The following SYT17 variants were observed in gnomAD, a reference collection of about 807,000 sequenced individuals.
The protein encoded by SYT17 is synaptotagmin 17, also known as synaptotagmin-17.
A neutral mutation model predicts 46.7 loss-of-function variants in SYT17; 22 were observed. The observed-to-expected ratio is 0.47, with a 90% confidence interval of 0.34 to 0.67. The LOEUF (loss-of-function observed/expected upper bound fraction) is 0.67. Among genes scored for constraint, SYT17 ranks in the 30% least tolerant of loss-of-function variants. SYT17 has a pLI of 0.01. For missense variants in SYT17, 519 were observed against 612.8 expected (o/e 0.85, Z 1.62); for synonymous variants, 251 against 248.4 (o/e 1.01, Z -0.10).
chr16:19,194,663 A>G lies in SYT17; in HGVS notation c.951+10516A>G, dbSNP rs113126670. Among the ~76,000 whole-genome samples, 688 of 152,322 alleles carry G rather than the reference A, an allele frequency of 4.5e-3. 4 individuals are homozygous for G. Among genetic ancestry groups the G allele is most frequent in the African/African-American group, 0.016 (651 of 41,574 alleles). On this transcript the variant is annotated intron_variant, in intron 5 of 7. Coordinates refer to ENST00000355377, the MANE Select transcript of SYT17 (RefSeq NM_016524.4). ...GAGGCTGGAGTGCAGGGGTGCGATC[A>G]TGATCACTGCAGCCTCAAACTCCTG...
intron 7 of SYT17, among the ~76,000 whole-genome samples, chr16:19,262,342 G>T (rs991841822): frequency 3.3e-5 from 5 of 152,128 alleles, no homozygotes; most frequent in Non-Finnish European, 7.4e-5. Context: ...TGCATGAGAA[G>T]GCACCACCTA....
At chr16:19,204,411 C>T (rs570935651) in intron 5 of SYT17, among the ~76,000 whole-genome samples, 6 of 151,960 alleles carry the variant, frequency 3.9e-5, no homozygotes, top group African/African-American at 7.3e-5. Flanking sequence ...GAGTTGGAAA[C>T]GACACGAGGG....
intron 7 of SYT17, among the ~76,000 whole-genome samples, chr16:19,229,671 A>G (rs1966612477): frequency 6.6e-6 from 1 of 152,252 alleles, no homozygotes; most frequent in Non-Finnish European, 1.5e-5. Flanking sequence ...AAAGTTAAAA[A>G]TAGAATTAGC....
chr16:19,195,203 CTAT>C (rs1364255252), intron 5 of SYT17, among the ~76,000 whole-genome samples: 1 of 152,092 alleles, frequency 6.6e-6, no homozygotes, highest in Non-Finnish European at 1.5e-5. Context: ...ATTGTGTGAA[CTAT>C]TATTATCACC....
Position 19,168,763 on chromosome 16 carries a change from A to G in SYT17, c.15+102A>G. The G allele has an allele frequency of 7.4e-7, 1 of 1,355,314 alleles. No homozygotes were observed. The highest frequency in any genetic ancestry group is 1.6e-5 in the South Asian group (1 of 63,900). The allele number at this position is 1,355,314 out of a possible 1,614,324, so 84.0% of individuals were successfully genotyped here. A position where few individuals can be genotyped will look rare whatever the true frequency, so the allele number is the denominator to read the frequency against. On this transcript the variant is annotated intron_variant, in intron 1 of 7. Coordinates refer to ENST00000355377, the MANE Select transcript of SYT17 (RefSeq NM_016524.4). The surrounding 1 kb of genome is among the most constrained non-coding windows in gnomAD (Gnocchi z 6.9). The stretch of plus-strand genomic sequence containing the variant: ...AGGGAGGGCCCACGGCTAGGCTCCC[A>G]CAAACTTGCTTCGAGAAAAAGGGTG...
At chr16:19,233,729 C>A (rs1438742445) in intron 7 of SYT17, among the ~76,000 whole-genome samples, 1 of 152,034 alleles carries the variant, frequency 6.6e-6, no homozygotes, top group Non-Finnish European at 1.5e-5. Flanking sequence ...CAGAGGGTCT[C>A]CAGCAGAGAA....
Position 19,183,212 on chromosome 16 carries a change from G to A in SYT17, c.332-316G>A, listed in dbSNP as rs536387671. On this transcript the variant is annotated intron_variant, in intron 4 of 7. Transcript: ENST00000355377. This position sits in a 1 kb window ranked among gnomAD's most constrained non-coding sequence, Gnocchi z 5.6. The stretch of plus-strand genomic sequence containing the variant: ...AGTTACTTAAAGCTTCTGTTTCCTC[G>A]TCTATAAAGTGGGGATAATAGTAAT... Among the ~76,000 whole-genome samples, 11 of 152,266 alleles carry A rather than the reference G, an allele frequency of 7.2e-5. No individual in the cohort carries two copies. Among genetic ancestry groups the A allele is most frequent in the South Asian group, 2.1e-4 (1 of 4,820 alleles).
At chr16:19,253,813 T>C (rs1251123710) in intron 7 of SYT17, among the ~76,000 whole-genome samples, 1 of 152,138 alleles carries the variant, frequency 6.6e-6, no homozygotes, top group Non-Finnish European at 1.5e-5. Flanking sequence ...CTGTAACCTC[T>C]GTCTCCTGGG....
chr16:19,236,868 C>T (rs999284223), intron 7 of SYT17, among the ~76,000 whole-genome samples: 2 of 152,200 alleles, frequency 1.3e-5, no homozygotes, highest in African/African-American at 4.8e-5. Context: ...TCTTCAGTCT[C>T]TATCCCCTCC....
chr16:19,172,214 T>G, intron 1 of SYT17: 3 of 565,518 alleles, frequency 5.3e-6, no homozygotes, highest in Non-Finnish European at 7.1e-6. Context: ...GAGGACCAGA[T>G]TAGGGCTTCC....
intron 5 of SYT17, among the ~76,000 whole-genome samples, chr16:19,184,745 A>G (rs991136739): frequency 1.1e-4 from 17 of 152,228 alleles, no homozygotes; most frequent in South Asian, 6.2e-4. Context: ...TAAATCATCG[A>G]TGCTGAGTTA....
At chr16:19,255,371 G>A (rs1017299641) in intron 7 of SYT17, among the ~76,000 whole-genome samples, 4 of 152,118 alleles carry the variant, frequency 2.6e-5, no homozygotes, top group Non-Finnish European at 5.9e-5. Context: ...ATTGTAGGAT[G>A]GGGGGCAGCA....
intron 7 of SYT17, among the ~76,000 whole-genome samples, chr16:19,229,946 C>G (rs937520835): frequency 6.6e-6 from 1 of 152,106 alleles, no homozygotes; most frequent in Non-Finnish European, 1.5e-5. Flanking sequence ...CTAAGTGAAA[C>G]AAGCCAGATA....
At chr16:19,191,479 G>C (rs1335914502) in intron 5 of SYT17, among the ~76,000 whole-genome samples, 1 of 152,174 alleles carries the variant, frequency 6.6e-6, no homozygotes, top group Non-Finnish European at 1.5e-5. Context: ...TCAGCTGGTG[G>C]CTTGATCTTG....
chr16:19,174,642 ACTATTT>A (rs1964242427), intron 3 of SYT17, among the ~76,000 whole-genome samples: 1 of 152,088 alleles, frequency 6.6e-6, no homozygotes. Flanking sequence ...GGTCTCAACT[ACTATTT>A]CGAGTTCTGT....
intron 3 of SYT17, among the ~76,000 whole-genome samples, chr16:19,177,188 G>GT (rs1394490533): frequency 2.0e-5 from 3 of 152,146 alleles, no homozygotes; most frequent in Non-Finnish European, 4.4e-5. Context: ...ACTTCTTTTG[G>GT]TTTTGCCACT....
intron 5 of SYT17, among the ~76,000 whole-genome samples, chr16:19,222,003 A>G (rs1456209421): frequency 6.6e-6 from 1 of 152,192 alleles, no homozygotes; most frequent in Non-Finnish European, 1.5e-5. Context: ...GGGTACGAAG[A>G]TGGTGGGGTA....
intron 5 of SYT17, among the ~76,000 whole-genome samples, chr16:19,203,744 G>A (rs1038983373): frequency 7.9e-5 from 12 of 152,238 alleles, no homozygotes; most frequent in African/African-American, 2.9e-4. Context: ...TGGAGTTTCT[G>A]CTGGTAGAAT....
rs183528931 is a variant in SYT17 at position 19,256,617 on chromosome 16, C to T, written c.1229-10263C>T. Among the ~76,000 whole-genome samples, 5 of 151,600 alleles carry T rather than the reference C, an allele frequency of 3.3e-5. No homozygotes were observed. In the East Asian group the frequency reaches 7.8e-4, roughly 24 times the overall value. On this transcript the variant is annotated intron_variant, in intron 7 of 7. Transcript: ENST00000355377. ...TTATTGAGGCAGGGTCTTACTCTTTCGACCAGGCTGGAGTGCAGTGGTATG... is the reference window on the plus strand; with the variant it reads ...TTATTGAGGCAGGGTCTTACTCTTTTGACCAGGCTGGAGTGCAGTGGTATG...
Sources: allele counts gnomAD v4.1 joint callset (sites outside exome capture counted in the v4.1 genomes callset), GRCh38; gene constraint gnomAD v4.1.1; non-coding constraint Gnocchi (gnomAD v3.1); transcripts MANE v1.5; gene names NCBI Gene and HGNC (gene_info 2026-07-23, HGNC 2026-07-21).